APBB2: variants seen among roughly 807,000 people sequenced by gnomAD.
The protein encoded by APBB2 is Fe65-like 1.
APBB2 carries 38 observed loss-of-function variants against 82.5 expected under a neutral mutation model. The observed-to-expected ratio is 0.46, with a 90% confidence interval of 0.36 to 0.60. The LOEUF is 0.60. Ranked by LOEUF, APBB2 falls within the 20% of genes least tolerant of loss-of-function variation. The pLI, the probability that APBB2 is intolerant of heterozygous loss-of-function variation, is 0.00. For synonymous variants in APBB2, 341 were observed against 368.2 expected (o/e 0.93, Z 0.85); for missense variants, 772 against 972.3 (o/e 0.79, Z 2.74).
At chr4:40,898,136 T>A (rs112113293) in intron 10 of APBB2, among the ~76,000 whole-genome samples, 2,057 of 152,332 alleles carry the variant, frequency 0.014, 55 homozygotes, top group African/African-American at 0.047. Context: ...AGTCTCTTCA[T>A]CTGTAAAATA....
intron 12 of APBB2, among the ~76,000 whole-genome samples, chr4:40,852,934 G>A (rs563524557): frequency 4.6e-5 from 7 of 152,218 alleles, no homozygotes; most frequent in South Asian, 2.1e-4. Context: ...ATGAGCCACC[G>A]TGTCTGGCTT....
intron 6 of APBB2, among the ~76,000 whole-genome samples, chr4:41,005,453 T>C (rs940892368): frequency 1.3e-5 from 2 of 152,184 alleles, no homozygotes; most frequent in Middle Eastern, 3.4e-3. Flanking sequence ...TCTGGGCAAA[T>C]AGCTCATGAT....
At chr4:40,896,177 G>T (rs1773616133) in intron 10 of APBB2, among the ~76,000 whole-genome samples, 1 of 152,036 alleles carries the variant, frequency 6.6e-6, no homozygotes, top group Non-Finnish European at 1.5e-5. Flanking sequence ...TGATCCTTCT[G>T]CCTCAGCCTC....
intron 6 of APBB2, among the ~76,000 whole-genome samples, chr4:41,006,101 T>A (rs1806639253): frequency 6.6e-6 from 1 of 152,222 alleles, no homozygotes; most frequent in South Asian, 2.1e-4. Flanking sequence ...AACCCAAAAC[T>A]ACTTTATTCA....
intron 12 of APBB2, among the ~76,000 whole-genome samples, chr4:40,885,931 ATCTT>A (rs1028704728): frequency 1.3e-5 from 2 of 151,972 alleles, no homozygotes; most frequent in African/African-American, 4.8e-5. Flanking sequence ...TGACTATAGA[ATCTT>A]TTTTTTTTTC....
At chr4:41,120,625 C>T (rs1752523754) in intron 2 of APBB2, among the ~76,000 whole-genome samples, 1 of 152,100 alleles carries the variant, frequency 6.6e-6, no homozygotes, top group African/African-American at 2.4e-5. Context: ...CAATTTGGGG[C>T]CAAGATTGTT....
At chr4:40,850,961 T>C (rs975192861) in intron 12 of APBB2, among the ~76,000 whole-genome samples, 13 of 152,148 alleles carry the variant, frequency 8.5e-5, no homozygotes, top group Admixed American at 3.9e-4. Context: ...AAAAATTTTT[T>C]TTTAAAACTG....
In APBB2 at chr4:41,125,133, C is replaced by A. The variant is rs182262690; in HGVS notation, c.-261+17854G>T. Among the ~76,000 whole-genome samples, 381 of 152,316 alleles carry A rather than the reference C, an allele frequency of 2.5e-3. 3 individuals carry two copies. Among genetic ancestry groups the A allele is most frequent in the Non-Finnish European group, 8.2e-4 (56 of 68,026 alleles). On this transcript the variant is annotated intron_variant, in intron 2 of 17. Coordinates refer to ENST00000508593, the MANE Select transcript of APBB2 (RefSeq NM_004307.2). Reference sequence around the variant, plus strand: ...GCTGGAATTCAGGGTCATCTGTCCCCACAAGCTACAAAATTTGCTGAAAAG... The same window carrying A: ...GCTGGAATTCAGGGTCATCTGTCCCAACAAGCTACAAAATTTGCTGAAAAG...
chr4:40,848,187 C>A (rs1046055805), intron 12 of APBB2, among the ~76,000 whole-genome samples: 1 of 152,190 alleles, frequency 6.6e-6, no homozygotes, highest in Non-Finnish European at 1.5e-5. Flanking sequence ...GAAAAGCAGA[C>A]ACCAACCCTA....
chr4:40,955,850 A>C (rs1297113109), intron 6 of APBB2, among the ~76,000 whole-genome samples: 1 of 151,972 alleles, frequency 6.6e-6, no homozygotes, highest in Non-Finnish European at 1.5e-5. Flanking sequence ...ATCTCGGCTC[A>C]ATGCAACCTC....
chr4:40,892,208 C>T (rs1772245790), intron 11 of APBB2, among the ~76,000 whole-genome samples: 4 of 152,128 alleles, frequency 2.6e-5, no homozygotes. Context: ...GCCTCGGCCT[C>T]CCAAAGTGCT....
At chr4:40,819,556 C>T (rs982142981) in intron 17 of APBB2, among the ~76,000 whole-genome samples, 2 of 151,874 alleles carry the variant, frequency 1.3e-5, no homozygotes, top group Admixed American at 6.6e-5. Context: ...GCTCCCCTGC[C>T]GTTCCAGGGA....
At chr4:41,209,789 T>A (rs188468333) in intron 1 of APBB2, among the ~76,000 whole-genome samples, 145 of 152,300 alleles carry the variant, frequency 9.5e-4, no homozygotes, top group Non-Finnish European at 1.6e-3. Context: ...AACCATTTTA[T>A]AACAAATGAA....
In APBB2 at chr4:41,042,598, A is replaced by G. The variant is rs560409076; in HGVS notation, c.-50-9294T>C. ...CCCTGAAAAAGACAGGATCTGTGCTACTGCCATAAGAATATGCCTAGGCCT... is the reference window on the plus strand; with the variant it reads ...CCCTGAAAAAGACAGGATCTGTGCTGCTGCCATAAGAATATGCCTAGGCCT... On this transcript the variant is annotated intron_variant, in intron 4 of 17. Coordinates refer to ENST00000508593, the MANE Select transcript of APBB2 (RefSeq NM_004307.2). Among the ~76,000 whole-genome samples, 6 of 152,314 alleles carry G rather than the reference A, an allele frequency of 3.9e-5. No homozygotes were observed. The East Asian group carries it at 9.7e-4, about 25-fold the overall frequency.
At chr4:40,934,243 G>C (rs545588746) in intron 10 of APBB2, among the ~76,000 whole-genome samples, 1 of 152,324 alleles carries the variant, frequency 6.6e-6, no homozygotes, top group Admixed American at 6.5e-5. Flanking sequence ...GTGAGATACA[G>C]GCAGAGTCTT....
chr4:40,883,745 C>T (rs1001871071), intron 12 of APBB2, among the ~76,000 whole-genome samples: 2 of 150,828 alleles, frequency 1.3e-5, no homozygotes, highest in African/African-American at 4.9e-5. Context: ...CTTTCCACAA[C>T]GACTTTCTAT....
chr4:40,915,834 A>C (rs1488484516), intron 10 of APBB2, among the ~76,000 whole-genome samples: 1 of 152,110 alleles, frequency 6.6e-6, no homozygotes, highest in Non-Finnish European at 1.5e-5. Flanking sequence ...GGGACCCCGG[A>C]ACCCGGCCAT....
At position 41,013,783 on chromosome 4, in the gene APBB2, T is replaced by A; in HGVS notation, c.635A>T (p.Asn212Ile). 6 of 1,614,132 alleles carry A rather than the reference T, an allele frequency of 3.7e-6. No individual in the cohort carries two copies. Among genetic ancestry groups the A allele is most frequent in the Non-Finnish European group, 5.1e-6 (6 of 1,180,012 alleles). ...GNGDLLLQKP[N>I]RPQSSPEDGQ... Reference sequence around the variant, plus strand: ...GTCTTCAGGGCTGGACTGGGGTCTGTTTGGTTTCTGCAGCAGCAAATCGCC... The same window carrying A: ...GTCTTCAGGGCTGGACTGGGGTCTGATTGGTTTCTGCAGCAGCAAATCGCC... Residue 212 changes from asparagine to isoleucine, a missense_variant, in exon 6 of 18, where the codon AAC becomes ATC. Coordinates refer to ENST00000508593, the MANE Select transcript of APBB2 (RefSeq NM_004307.2).
chr4:41,152,314 T>A (rs1248531483), intron 1 of APBB2, among the ~76,000 whole-genome samples: 1 of 151,856 alleles, frequency 6.6e-6, no homozygotes, highest in Non-Finnish European at 1.5e-5. Context: ...TTTTCACTTG[T>A]TTCTTTTCTT....
Sources: gnomAD v4.1 joint callset for allele counts (sites outside exome capture counted in the v4.1 genomes callset) on GRCh38, gnomAD v4.1.1 for gene constraint, MANE v1.5 for transcripts, NCBI Gene and HGNC (gene_info 2026-07-23, HGNC 2026-07-21) for gene names.